TTC7B: variants seen among roughly 807,000 people sequenced by gnomAD.
The protein encoded by TTC7B is tetratricopeptide repeat domain 7B, also known as tetratricopeptide repeat protein 7B.
In TTC7B, 28 loss-of-function variants were observed where a neutral mutation model predicts 106.8. The observed-to-expected ratio is 0.26, with a 90% CI of 0.19 to 0.36. The LOEUF (loss-of-function observed/expected upper bound fraction) is 0.36. Ranked by LOEUF, TTC7B falls within the 10% of genes least tolerant of loss-of-function variation. The pLI is 1.00. For missense variants in TTC7B, 862 were observed against 1,076.4 expected, an observed-to-expected ratio of 0.80 and a Z score of 2.79; for synonymous variants, 405 against 430.6, an observed-to-expected ratio of 0.94 and a Z score of 0.74.
chr14:90,720,190 T>TA (rs1440613556), intron 5 of TTC7B, among the ~76,000 whole-genome samples: 1 of 152,136 alleles, frequency 6.6e-6, no homozygotes, highest in Non-Finnish European at 1.5e-5. Context: ...CTTTGCCAGT[T>TA]AGCTCCTACT....
chr14:90,636,699 A>G (rs1884958792), intron 15 of TTC7B, among the ~76,000 whole-genome samples: 2 of 152,216 alleles, frequency 1.3e-5, no homozygotes, highest in South Asian at 2.1e-4. Context: ...GTCTTTAAAC[A>G]TAATTTAATG....
chr14:90,762,885 T>C (rs540113603), intron 3 of TTC7B, among the ~76,000 whole-genome samples: 105 of 152,158 alleles, frequency 6.9e-4, no homozygotes, highest in African/African-American at 2.4e-3. Context: ...AACAACAGGG[T>C]AACTAGAGAT....
At chr14:90,617,689 T>G (rs1305649151) in intron 16 of TTC7B, among the ~76,000 whole-genome samples, 2 of 152,142 alleles carry the variant, frequency 1.3e-5, no homozygotes, top group East Asian at 3.9e-4. Flanking sequence ...CTGAGTCCAG[T>G]GGGTCACTAT....
At chr14:90,631,717 C>A (rs1884713438) in intron 15 of TTC7B, among the ~76,000 whole-genome samples, 1 of 152,048 alleles carries the variant, frequency 6.6e-6, no homozygotes, top group African/African-American at 2.4e-5. Context: ...GAGTCTGCAC[C>A]ATTTTATATT....
intron 13 of TTC7B, chr14:90,648,799 A>G (rs1348605286): frequency 6.6e-6 from 1 of 152,252 alleles, no homozygotes; most frequent in Non-Finnish European, 1.5e-5. Flanking sequence ...TTCTCTCATA[A>G]TTATTCAGGA....
chr14:90,692,760 T>C (rs77793326), intron 6 of TTC7B, among the ~76,000 whole-genome samples: 6,140 of 152,316 alleles, frequency 0.04, 177 homozygotes, highest in Non-Finnish European at 0.061. Context: ...AAAAGACAGC[T>C]GGCAACAACT....
intron 15 of TTC7B, among the ~76,000 whole-genome samples, chr14:90,640,275 AC>A (rs945416447): frequency 8.8e-5 from 12 of 137,078 alleles, no homozygotes; most frequent in Non-Finnish European, 1.9e-4. Flanking sequence ...CTGTCTCAAA[AC>A]AAAAAAAAAA....
At chr14:90,664,699 G>A (rs956802922) in intron 9 of TTC7B, among the ~76,000 whole-genome samples, 37 of 152,220 alleles carry the variant, frequency 2.4e-4, no homozygotes, top group African/African-American at 6.8e-4. Context: ...AGCCCAGCTC[G>A]CAGGGCGTGA....
intron 3 of TTC7B, among the ~76,000 whole-genome samples, chr14:90,770,653 C>G: frequency 9.5e-6 from 1 of 105,156 alleles, no homozygotes; most frequent in South Asian, 3.2e-4. Context: ...AACTCCATCT[C>G]AAAAAAAAAA....
At chr14:90,743,338 A>G (rs527862907) in intron 4 of TTC7B, among the ~76,000 whole-genome samples, 1 of 152,288 alleles carries the variant, frequency 6.6e-6, no homozygotes, top group South Asian at 2.1e-4. Flanking sequence ...TGCATATCAT[A>G]TGCACCAACA....
At chr14:90,644,382 C>T (rs1005928649) in intron 14 of TTC7B, among the ~76,000 whole-genome samples, 174 bp from the exon 15 acceptor site, 1 of 152,012 alleles carries the variant, frequency 6.6e-6, no homozygotes, top group Non-Finnish European at 1.5e-5. Context: ...TATGGCAGCC[C>T]CAGGATATTA....
In TTC7B at chr14:90,578,131, G is replaced by A. The variant is rs762935964; in HGVS notation, c.2285C>T (p.Thr762Ile). 6.2e-7 allele frequency: 1 copy of A among 1,612,248 alleles called. No homozygotes were observed. Among genetic ancestry groups the A allele is most frequent in the Admixed American group, 1.7e-5 (1 of 59,750 alleles). ...WYEEALAISP[T>I]HVKSMQRLAL... ...CAGTCGCTGCATGCTCTTCACGTGG[G>A]TGGGGCTGATGGCTAAGGCCTCTTC... The change falls in exon 19 of 20, where the codon ACC (threonine) becomes ATC (isoleucine). Residue 762 changes from threonine (T) to isoleucine (I), a missense_variant. Physicochemically the swap from Thr to Ile is moderately conservative, Grantham distance 89 (BLOSUM62 -1). Coordinates refer to ENST00000328459, the MANE Select transcript of TTC7B (RefSeq NM_001010854.2). This position sits in a 1 kb window ranked among gnomAD's most constrained non-coding sequence, Gnocchi z 4.7.
chr14:90,725,660 C>T (rs1490289803), intron 5 of TTC7B, among the ~76,000 whole-genome samples: 1 of 152,196 alleles, frequency 6.6e-6, no homozygotes, highest in Non-Finnish European at 1.5e-5. Flanking sequence ...TGACTTCCTG[C>T]TTTCTGAGTC....
rs1376952647 is a variant in TTC7B, at chr14:90,770,653, C to CA, written c.445+10084dup. 7.2e-3 allele frequency among the ~76,000 whole-genome samples: 754 copies of CA among 105,068 alleles called. 3 individuals carry two copies. Among genetic ancestry groups the CA allele is most frequent in the African/African-American group, 0.018 (523 of 28,298 alleles). 68.9% of individuals were successfully genotyped at this position (105,068 alleles called of 152,430 possible). A position where few individuals can be genotyped will look rare whatever the true frequency, so the allele number is the denominator to read the frequency against. ...GGGCAACAAGAGTGAAACTCCATCT[C>CA]AAAAAAAAAAAAAAAGAACAACCAG... is the stretch of plus-strand genomic sequence containing the variant. On this transcript the variant is annotated intron_variant, in intron 3 of 19. Transcript: ENST00000328459.
At chr14:90,601,501 A>T (rs762293708) in intron 17 of TTC7B, among the ~76,000 whole-genome samples, 4 of 152,214 alleles carry the variant, frequency 2.6e-5, no homozygotes, top group Non-Finnish European at 2.9e-5. Flanking sequence ...AATTACTGCT[A>T]AAGAGAGCAG....
chr14:90,689,621 G>A lies in TTC7B; in HGVS notation c.869C>T (p.Pro290Leu). 3 of 1,614,158 alleles carry A rather than the reference G, an allele frequency of 1.9e-6. No individual in the cohort carries two copies. The highest frequency in any genetic ancestry group is 2.5e-6 in the Non-Finnish European group (3 of 1,180,014). Residue 290 changes from proline (P) to leucine (L), a missense_variant, in exon 7 of 20, where the codon CCT becomes CTT. Pro to Leu is a moderately conservative substitution (Grantham distance 98). Transcript: ENST00000328459. ...NPLEDPPCQS[P>L]LDDPLRKGAN... ...TCCTTTGCGGAGAGGATCGTCCAGAGGTGACTGGCACGGTGGATCCTCCAG... is the reference window on the plus strand; with the variant it reads ...TCCTTTGCGGAGAGGATCGTCCAGAAGTGACTGGCACGGTGGATCCTCCAG...
chr14:90,797,837 A>G (rs2029975124), intron 1 of TTC7B, among the ~76,000 whole-genome samples: 1 of 152,126 alleles, frequency 6.6e-6, no homozygotes, highest in African/African-American at 2.4e-5. Flanking sequence ...CCTTGACAGG[A>G]TACCTGTTAA....
At chr14:90,588,236 G>A (rs947159993) in intron 18 of TTC7B, among the ~76,000 whole-genome samples, 1 of 152,234 alleles carries the variant, frequency 6.6e-6, no homozygotes, top group Non-Finnish European at 1.5e-5. Flanking sequence ...GGCCAGGCCA[G>A]GCCAGGCCAG....
chr14:90,599,571 G>T (rs1468675512), intron 17 of TTC7B, among the ~76,000 whole-genome samples: 1 of 152,260 alleles, frequency 6.6e-6, no homozygotes. Context: ...TGCCTCATGA[G>T]TGTGAACATG....
Sources: gnomAD v4.1 joint callset for allele counts (sites outside exome capture counted in the v4.1 genomes callset) on GRCh38, gnomAD v4.1.1 for gene constraint, Gnocchi (gnomAD v3.1) non-coding constraint, MANE v1.5 for transcripts, NCBI Gene and HGNC (gene_info 2026-07-23, HGNC 2026-07-21) for gene names.